DIAPH3: variants seen among roughly 807,000 people sequenced by gnomAD.
DIAPH3 encodes the protein diaphanous related formin 3, also known as protein diaphanous homolog 3.
A neutral mutation model predicts 144.3 loss-of-function variants in DIAPH3; 117 were observed. The observed-to-expected ratio is 0.81, with a 90% CI of 0.70 to 0.95. The LOEUF (loss-of-function observed/expected upper bound fraction) is 0.95, where lower values mean the gene tolerates loss of function less well. Ranked by LOEUF, DIAPH3 falls within the 40% of genes least tolerant of loss-of-function variation. The probability of loss-of-function intolerance (pLI) is 0.00; values close to 1 mark genes in which losing one functional copy is unlikely to be tolerated. For missense variants in DIAPH3, 1,421 were observed against 1,412.7 expected (o/e 1.01, Z -0.09); for synonymous variants, 519 against 488.9 (o/e 1.06, Z -0.81).
chr13:59,967,912 A>C (rs1426513063), intron 17 of DIAPH3, among the ~76,000 whole-genome samples: 1 of 152,174 alleles, frequency 6.6e-6, no homozygotes, highest in African/African-American at 2.4e-5. Context: ...GTCACAGAAA[A>C]AAAAGAAAGC....
intron 27 of DIAPH3, among the ~76,000 whole-genome samples, chr13:59,770,909 T>C (rs968501066): frequency 6.6e-6 from 1 of 152,172 alleles, no homozygotes; most frequent in African/African-American, 2.4e-5. Flanking sequence ...TAGCACATAC[T>C]TCATTTCTGC....
In DIAPH3 at chr13:60,082,577, T is replaced by C. The variant is rs144667188; in HGVS notation, c.495+11051A>G. On this transcript the variant is annotated intron_variant, in intron 4 of 27. Transcript: ENST00000400324. ...AAAAATAGTATTATTCAAGATCCTA[T>C]AGTATTATTCAAGATCCTAAGCAAA... 8.1e-3 allele frequency among the ~76,000 whole-genome samples: 1,228 copies of C among 152,010 alleles called. 13 individuals carry two copies. Among genetic ancestry groups the C allele is most frequent in the African/African-American group, 0.028 (1,162 of 41,482 alleles).
chr13:59,880,835 A>T (rs1185954035), intron 20 of DIAPH3, among the ~76,000 whole-genome samples: 4 of 152,008 alleles, frequency 2.6e-5, no homozygotes, highest in African/African-American at 9.7e-5. Flanking sequence ...TTGCCAAATT[A>T]AATGGTTATT....
At chr13:59,792,966 T>G (rs770389601) in intron 25 of DIAPH3, among the ~76,000 whole-genome samples, 1 of 152,214 alleles carries the variant, frequency 6.6e-6, no homozygotes, top group Non-Finnish European at 1.5e-5. Flanking sequence ...CACTCCTCTG[T>G]GTTTCATCAG....
chr13:59,702,367 A>C (rs1044969431), intron 27 of DIAPH3, among the ~76,000 whole-genome samples: 57 of 152,188 alleles, frequency 3.7e-4, no homozygotes, highest in African/African-American at 1.4e-3. Context: ...AAAAAAGAAA[A>C]CAAAATGTGA....
At chr13:59,885,683 T>C (rs1305027459) in intron 20 of DIAPH3, among the ~76,000 whole-genome samples, 2 of 152,026 alleles carry the variant, frequency 1.3e-5, no homozygotes, top group Non-Finnish European at 2.9e-5. Flanking sequence ...ACCTTGAATG[T>C]GATCATATTT....
rs1566164131 is a variant in DIAPH3, at chr13:59,666,833, C to T, written c.3333G>A (p.Val1111=). 1.9e-6 allele frequency: 3 copies of T among 1,614,098 alleles called. No homozygotes were observed. The highest frequency in any genetic ancestry group is 2.5e-6 in the Non-Finnish European group (3 of 1,179,974). Residue 1111 remains valine, a synonymous_variant, in exon 28 of 28, where the codon GTG becomes GTA. Coordinates refer to ENST00000400324, the MANE Select transcript of DIAPH3 (RefSeq NM_001042517.2). The part of the protein sequence containing the change: ...LKVCNHENQK[V]QLTEGSRSHY... ...GTGAACGTGACCCTTCTGTCAACTGCACTTTCTGATTTTCTACAGTAAGGA... is the reference window on the plus strand; with the variant it reads ...GTGAACGTGACCCTTCTGTCAACTGTACTTTCTGATTTTCTACAGTAAGGA...
intron 4 of DIAPH3, among the ~76,000 whole-genome samples, chr13:60,060,301 C>T (rs981678033): frequency 6.6e-6 from 1 of 151,854 alleles, no homozygotes; most frequent in Admixed American, 6.6e-5. Flanking sequence ...TGGATCACAC[C>T]CCACTACAAT....
chr13:60,043,088 A>G (rs1226712303), intron 4 of DIAPH3, among the ~76,000 whole-genome samples: 1 of 152,214 alleles, frequency 6.6e-6, no homozygotes, highest in Non-Finnish European at 1.5e-5. Flanking sequence ...GAACAATTGT[A>G]TACTATAGAA....
Position 60,105,099 on chromosome 13 carries a change from C to CAAAAAAAAAAAACAAAAAAAAAAA in DIAPH3, c.390+6910_390+6911insTTTTTTTTTTTGTTTTTTTTTTTT, listed in dbSNP as rs530311392. Among the ~76,000 whole-genome samples the CAAAAAAAAAAAACAAAAAAAAAAA allele has an allele frequency of 1.7e-4, 7 of 41,802 alleles. 1 individual carries two copies. Among genetic ancestry groups the CAAAAAAAAAAAACAAAAAAAAAAA allele is most frequent in the Non-Finnish European group, 2.6e-4 (6 of 22,748 alleles). 27.4% of individuals were successfully genotyped at this position (41,802 alleles called of 152,430 possible). A position where few individuals can be genotyped will look rare whatever the true frequency, so the allele number is the denominator to read the frequency against. On this transcript the variant is annotated intron_variant, in intron 3 of 27. Coordinates refer to ENST00000400324, the MANE Select transcript of DIAPH3 (RefSeq NM_001042517.2). ...TGGGCGACAAAGTGAGACACGATCT[C>CAAAAAAAAAAAACAAAAAAAAAAA]AAAAAAAAAAAAAAAAAAAAAAAAA...
At chr13:60,114,137 A>T (rs1566787586) in intron 2 of DIAPH3, among the ~76,000 whole-genome samples, 1 of 152,180 alleles carries the variant, frequency 6.6e-6, no homozygotes, top group Admixed American at 6.5e-5. Context: ...AGAAACAGCC[A>T]GAAGTAGAAC....
At chr13:60,159,485 C>T (rs1431821391) in intron 1 of DIAPH3, among the ~76,000 whole-genome samples, 6 of 151,844 alleles carry the variant, frequency 4.0e-5, no homozygotes, top group Non-Finnish European at 8.8e-5. Context: ...ATTAGCCGGG[C>T]GTAGTGACAC....
chr13:59,884,132 C>T (rs545288755), intron 20 of DIAPH3, among the ~76,000 whole-genome samples: 1 of 152,216 alleles, frequency 6.6e-6, no homozygotes, highest in East Asian at 1.9e-4. Context: ...TCAGTAGTGA[C>T]ATTAGATTCT....
At chr13:60,128,912 G>A (rs912829533) in intron 2 of DIAPH3, among the ~76,000 whole-genome samples, 1 of 152,106 alleles carries the variant, frequency 6.6e-6, no homozygotes, top group Non-Finnish European at 1.5e-5. Flanking sequence ...GAAGCAGAGA[G>A]TTTAGGAGTT....
At chr13:60,118,670 T>C (rs1191544803) in intron 2 of DIAPH3, among the ~76,000 whole-genome samples, 2 of 152,208 alleles carry the variant, frequency 1.3e-5, no homozygotes, top group African/African-American at 2.4e-5. Context: ...TCTGGGAACT[T>C]TGTGATTAAA....
intron 27 of DIAPH3, among the ~76,000 whole-genome samples, chr13:59,679,005 C>T (rs2032790482): frequency 6.6e-6 from 1 of 152,110 alleles, no homozygotes; most frequent in Non-Finnish European, 1.5e-5. Context: ...GATTTGGGTG[C>T]TGGTTGTAGA....
chr13:59,912,449 A>T (rs192841147), intron 19 of DIAPH3, among the ~76,000 whole-genome samples: 41 of 152,314 alleles, frequency 2.7e-4, no homozygotes, highest in African/African-American at 8.9e-4. Flanking sequence ...TACCTTGCAG[A>T]TAAAAGGCAT....
At chr13:59,691,006 G>T (rs1465442451) in intron 27 of DIAPH3, among the ~76,000 whole-genome samples, 1 of 152,158 alleles carries the variant, frequency 6.6e-6, no homozygotes, top group Admixed American at 6.6e-5. Context: ...TAACATTTGT[G>T]TTGGGTCTTG....
chr13:60,012,299 C>A (rs1027313696), intron 7 of DIAPH3, among the ~76,000 whole-genome samples: 1 of 152,070 alleles, frequency 6.6e-6, no homozygotes, highest in African/African-American at 2.4e-5. Flanking sequence ...TGAGGAAAGG[C>A]CAAGGGCCCA....
Sources: allele counts gnomAD v4.1 joint callset (sites outside exome capture counted in the v4.1 genomes callset), GRCh38; gene constraint gnomAD v4.1.1; transcripts MANE v1.5; gene names NCBI Gene and HGNC (gene_info 2026-07-23, HGNC 2026-07-21).